Variants in RHOBTB1 observed in about 807,000 individuals in gnomAD.
RHOBTB1 encodes the protein Rho related BTB domain containing 1.
In RHOBTB1, 40 loss-of-function variants were observed where a neutral mutation model predicts 71.6. The observed-to-expected ratio is 0.56, with a 90% CI of 0.43 to 0.73. RHOBTB1 has a LOEUF of 0.73. Among genes scored for constraint, RHOBTB1 ranks in the 30% least tolerant of loss-of-function variants. The pLI, the probability that RHOBTB1 is intolerant of heterozygous loss-of-function variation, is 0.00. For missense variants in RHOBTB1, 797 were observed against 894.0 expected, an observed-to-expected ratio of 0.89 and a Z score of 1.38; for synonymous variants, 319 against 334.9, an observed-to-expected ratio of 0.95 and a Z score of 0.52.
At chr10:60,994,053 G>T (rs1392712895) in intron 1 of RHOBTB1, among the ~76,000 whole-genome samples, 1 of 151,984 alleles carries the variant, frequency 6.6e-6, no homozygotes, top group Non-Finnish European at 1.5e-5. Context: ...AATTCTGAAA[G>T]GTAAATGTGA....
chr10:60,990,898 G>A (rs904047281), intron 1 of RHOBTB1, among the ~76,000 whole-genome samples: 12 of 152,094 alleles, frequency 7.9e-5, no homozygotes, highest in South Asian at 2.1e-4. Context: ...GCTGTCTCCC[G>A]TGATGTCTCA....
intron 2 of RHOBTB1, among the ~76,000 whole-genome samples, chr10:60,968,782 T>C (rs974154002): frequency 6.6e-6 from 1 of 152,162 alleles, no homozygotes; most frequent in Non-Finnish European, 1.5e-5. Flanking sequence ...GGTTAACCAA[T>C]GGTGGTTATT....
chr10:60,887,652 T>C (rs1589191928), intron 6 of RHOBTB1, among the ~76,000 whole-genome samples: 3 of 152,092 alleles, frequency 2.0e-5, no homozygotes, highest in South Asian at 4.2e-4. Context: ...GGAGAGGGGA[T>C]GGAAACAGAT....
At chr10:60,862,646 C>T in the RHOBTB1 span, among the ~76,000 whole-genome samples, 2 of 142,588 alleles carry the variant, frequency 1.4e-5, no homozygotes, top group African/African-American at 2.6e-5. Flanking sequence ...TTTCCTTTCT[C>T]CCTTTCTTTT....
chr10:60,911,546 T>C lies in RHOBTB1; in HGVS notation c.-4A>G, dbSNP rs944042500. 8 of 1,613,276 alleles carry C rather than the reference T, an allele frequency of 5.0e-6. No homozygotes were observed. The highest frequency in any genetic ancestry group is 4.0e-5 in the African/African-American group (3 of 74,918). On this transcript the variant is annotated 5_prime_UTR_variant, in exon 3 of 11. Transcript: ENST00000337910. ...CGTAGTCCATGTCAGCGTCCATTTA[T>C]GAAACTCTGTAAGAAGAGAGTGAAC...
intron 2 of RHOBTB1, among the ~76,000 whole-genome samples, chr10:60,911,964 C>T (rs2082998076): frequency 6.6e-6 from 1 of 152,092 alleles, no homozygotes; most frequent in Non-Finnish European, 1.5e-5. Context: ...AATAGGTAGC[C>T]TTGGCAATGC....
At chr10:60,905,938 T>A (rs955761633) in intron 4 of RHOBTB1, among the ~76,000 whole-genome samples, 1 of 152,164 alleles carries the variant, frequency 6.6e-6, no homozygotes, top group Non-Finnish European at 1.5e-5. Flanking sequence ...GGGCCTCAAC[T>A]GTGCATTGAG....
chr10:60,986,411 A>ATATATAT (rs1554860038), intron 1 of RHOBTB1, among the ~76,000 whole-genome samples: 11 of 137,898 alleles, frequency 8.0e-5, no homozygotes, highest in East Asian at 4.1e-4. Context: ...AAAGATATAT[A>ATATATAT]TATATATATA....
chr10:60,950,284 G>GA (rs1364756236), intron 2 of RHOBTB1, among the ~76,000 whole-genome samples: 2 of 152,056 alleles, frequency 1.3e-5, no homozygotes, highest in Non-Finnish European at 2.9e-5. Context: ...TTTTGTACTG[G>GA]AAAAAATCTA....
chr10:60,924,428 AT>A (rs779425981), intron 2 of RHOBTB1, among the ~76,000 whole-genome samples: 6 of 152,220 alleles, frequency 3.9e-5, no homozygotes, highest in Non-Finnish European at 8.8e-5. Context: ...TCATTATATA[AT>A]GACAAAGGGG....
chr10:61,001,260 C>T (rs1051507140), intron 1 of RHOBTB1: 1 of 152,196 alleles, frequency 6.6e-6, no homozygotes, highest in African/African-American at 2.4e-5. Context: ...AAGGGATGCT[C>T]CAAGCTCTCG....
At chr10:60,911,311 A>C (rs541105176) in intron 3 of RHOBTB1, 40 bp downstream of exon 3, 13 of 1,556,826 alleles carry the variant, frequency 8.4e-6, no homozygotes, top group Non-Finnish European at 1.1e-5. Flanking sequence ...ACCAGCAATG[A>C]TGTGCCCTAG....
intron 1 of RHOBTB1, among the ~76,000 whole-genome samples, chr10:60,987,625 C>G (rs1487834395): frequency 2.0e-5 from 3 of 152,156 alleles, no homozygotes; most frequent in Non-Finnish European, 2.9e-5. Context: ...CTTCCAATCT[C>G]CCATCATTTC....
chr10:60,987,424 C>T (rs1312914459), intron 1 of RHOBTB1, among the ~76,000 whole-genome samples: 1 of 152,174 alleles, frequency 6.6e-6, no homozygotes, highest in African/African-American at 2.4e-5. Flanking sequence ...CTCCCTGGTT[C>T]AACACTTGGC....
chr10:60,866,774 C>T (rs945546446), downstream of RHOBTB1, among the ~76,000 whole-genome samples: 6 of 152,026 alleles, frequency 3.9e-5, no homozygotes, highest in African/African-American at 1.5e-4. Context: ...CCTTTCCCTC[C>T]AGCCCATTAT....
chr10:60,942,101 AAAAC>A (rs2084931165), intron 1 of RHOBTB1, among the ~76,000 whole-genome samples: 1 of 152,220 alleles, frequency 6.6e-6, no homozygotes, highest in Admixed American at 6.5e-5. Flanking sequence ...CGATACCAAA[AAAAC>A]AAACAAAACA....
At chr10:60,921,728 A>C (rs1032398643) in intron 2 of RHOBTB1, among the ~76,000 whole-genome samples, 4 of 152,256 alleles carry the variant, frequency 2.6e-5, no homozygotes, top group African/African-American at 9.6e-5. Flanking sequence ...GAGAACTTGC[A>C]TGCAGCTATC....
At chr10:60,930,780 G>A (rs745383591) in intron 2 of RHOBTB1, among the ~76,000 whole-genome samples, 5 of 152,014 alleles carry the variant, frequency 3.3e-5, no homozygotes, top group African/African-American at 7.3e-5. Context: ...TGCCTCTCAG[G>A]ACCTGGGATC....
intron 2 of RHOBTB1, among the ~76,000 whole-genome samples, chr10:60,959,805 C>A (rs960234565): frequency 6.6e-6 from 1 of 152,120 alleles, no homozygotes; most frequent in South Asian, 2.1e-4. Context: ...CTATTCTTTA[C>A]CATCTAAGTG....
Sources: allele counts gnomAD v4.1 joint callset (sites outside exome capture counted in the v4.1 genomes callset), GRCh38; gene constraint gnomAD v4.1.1; transcripts MANE v1.5; gene names NCBI Gene and HGNC (gene_info 2026-07-23, HGNC 2026-07-21).